Variants in NPAS3 observed in about 807,000 individuals in gnomAD.
NPAS3 encodes neuronal PAS domain protein 3, also known as neuronal PAS domain-containing protein 3.
Under a neutral mutation model 73.1 loss-of-function variants are expected in NPAS3, and 14 were observed. The observed-to-expected ratio is 0.19, with a 90% CI of 0.13 to 0.30. The LOEUF is 0.30. NPAS3 is among the 10% of genes least tolerant of loss of function. The pLI is 1.00. For synonymous variants in NPAS3, 620 were observed against 541.5 expected (o/e 1.14, Z -2.01); for missense variants, 1,096 against 1,250.0 (o/e 0.88, Z 1.86).
chr14:33,355,607 C>CT (rs1407547220), intron 3 of NPAS3, among the ~76,000 whole-genome samples: 2 of 152,160 alleles, frequency 1.3e-5, no homozygotes, highest in Non-Finnish European at 2.9e-5. Flanking sequence ...CAACCTGTTA[C>CT]TTTTTTACAG....
At chr14:33,646,055 G>A (rs540614667) in intron 5 of NPAS3, among the ~76,000 whole-genome samples, 2 of 152,294 alleles carry the variant, frequency 1.3e-5, no homozygotes, top group South Asian at 4.1e-4. Context: ...TGCAAGTGCT[G>A]TTAGAGCATC....
At chr14:33,194,491 T>C (rs979522917) in intron 2 of NPAS3, among the ~76,000 whole-genome samples, 1 of 152,236 alleles carries the variant, frequency 6.6e-6, no homozygotes, top group African/African-American at 2.4e-5. Flanking sequence ...ACAGTGTTTA[T>C]ACTATTAAAA....
intron 5 of NPAS3, among the ~76,000 whole-genome samples, chr14:33,601,948 A>G (rs1388284752): frequency 6.6e-6 from 1 of 152,216 alleles, no homozygotes; most frequent in Non-Finnish European, 1.5e-5. Flanking sequence ...CCAAGCTACT[A>G]GAGATCTGGT....
chr14:33,334,083 CAT>C (rs1419064818), intron 3 of NPAS3, among the ~76,000 whole-genome samples: 10 of 152,094 alleles, frequency 6.6e-5, no homozygotes, highest in African/African-American at 2.2e-4. Flanking sequence ...CAATGTTTGA[CAT>C]GTGAATATTT....
At position 33,680,572 on chromosome 14, in the gene NPAS3, C is replaced by A. The variant is rs768676691; in HGVS notation, c.733+4187C>A. On this transcript the variant is annotated intron_variant, in intron 6 of 11. Transcript: ENST00000356141. ...AACTAGCTTTTTCATTTTCATGTTT[C>A]TCTAAGATAAAATTCCCTTTCTGTC... is the stretch of plus-strand genomic sequence containing the variant. The A allele has an allele frequency of 3.4e-5, 24 of 702,012 alleles. 1 individual carries two copies. In the South Asian group the frequency reaches 3.6e-4, roughly 10 times the overall value. The allele number at this position is 702,012 out of a possible 1,614,324, so 43.5% of individuals were successfully genotyped here. A position where few individuals can be genotyped will look rare whatever the true frequency, so the allele number is the denominator to read the frequency against.
At chr14:33,358,451 G>A (rs896853760) in intron 3 of NPAS3, among the ~76,000 whole-genome samples, 1 of 152,116 alleles carries the variant, frequency 6.6e-6, no homozygotes, top group East Asian at 1.9e-4. Context: ...CTGTAGCTAC[G>A]TTAACATGCT....
intron 2 of NPAS3, among the ~76,000 whole-genome samples, chr14:33,083,761 C>A (rs8017701): frequency 0.43 from 64,691 of 151,994 alleles, 15,223 homozygotes; most frequent in African/African-American, 0.64. Context: ...TAACAGAATC[C>A]CCGTGGGATC....
intron 2 of NPAS3, among the ~76,000 whole-genome samples, chr14:33,206,049 G>A (rs2046810033): frequency 6.6e-6 from 1 of 151,970 alleles, no homozygotes; most frequent in South Asian, 2.1e-4. Flanking sequence ...CTGAAAATAG[G>A]GGTTTTATTG....
intron 3 of NPAS3, among the ~76,000 whole-genome samples, chr14:33,277,097 G>A (rs1402638903): frequency 1.3e-5 from 2 of 152,216 alleles, no homozygotes; most frequent in East Asian, 3.9e-4. Flanking sequence ...AATAGGGGAT[G>A]ATATTTTAGA....
At chr14:33,688,319 T>G (rs185768379) in intron 6 of NPAS3, among the ~76,000 whole-genome samples, 72 of 152,366 alleles carry the variant, frequency 4.7e-4, no homozygotes, top group African/African-American at 1.7e-3. Flanking sequence ...AGTAAAAATT[T>G]GAAATTCATG....
chr14:33,712,898 G>A (rs900276160), intron 6 of NPAS3, among the ~76,000 whole-genome samples: 1 of 152,108 alleles, frequency 6.6e-6, no homozygotes, highest in African/African-American at 2.4e-5. Flanking sequence ...GGAAATTAGA[G>A]GATTCATTCT....
intron 2 of NPAS3, among the ~76,000 whole-genome samples, chr14:33,142,188 A>G (rs993502579): frequency 2.1e-5 from 1 of 47,988 alleles, no homozygotes; most frequent in Non-Finnish European, 4.4e-5. Flanking sequence ...TAATTTGTAT[A>G]AGCTTTTTTT....
chr14:33,584,709 T>C (rs2056800259), intron 5 of NPAS3, among the ~76,000 whole-genome samples: 1 of 152,196 alleles, frequency 6.6e-6, no homozygotes, highest in African/African-American at 2.4e-5. Context: ...GTAACTCAGA[T>C]GAAAAAACTA....
intron 3 of NPAS3, among the ~76,000 whole-genome samples, chr14:33,355,053 T>C (rs1400919615): frequency 6.6e-6 from 1 of 152,168 alleles, no homozygotes; most frequent in Non-Finnish European, 1.5e-5. Flanking sequence ...GCAGTGCTGA[T>C]GGGGCCATTT....
At chr14:33,324,364 A>G (rs2043594295) in intron 3 of NPAS3, among the ~76,000 whole-genome samples, 1 of 152,206 alleles carries the variant, frequency 6.6e-6, no homozygotes, top group Admixed American at 6.5e-5. Context: ...ATTAAATGAG[A>G]AATAATTAAC....
intron 2 of NPAS3, among the ~76,000 whole-genome samples, chr14:33,064,384 C>T (rs1010725672): frequency 1.3e-5 from 2 of 152,164 alleles, no homozygotes; most frequent in Non-Finnish European, 2.9e-5. Flanking sequence ...TTCCACTTTA[C>T]CCTACTCATA....
At chr14:33,609,077 T>A (rs1442224231) in intron 5 of NPAS3, among the ~76,000 whole-genome samples, 1 of 152,216 alleles carries the variant, frequency 6.6e-6, no homozygotes, top group Non-Finnish European at 1.5e-5. Context: ...CAAGATTACA[T>A]CTGTTCAGTT....
At chr14:33,119,349 A>G (rs985223978) in intron 2 of NPAS3, among the ~76,000 whole-genome samples, 20 of 152,100 alleles carry the variant, frequency 1.3e-4, no homozygotes, top group Non-Finnish European at 1.2e-4. Context: ...ATGCTTGCCA[A>G]TCCACAACTT....
intron 5 of NPAS3, among the ~76,000 whole-genome samples, chr14:33,636,130 G>A (rs1424888996): frequency 6.6e-6 from 1 of 152,188 alleles, no homozygotes; most frequent in South Asian, 2.1e-4. Flanking sequence ...ACGTTAGTCA[G>A]GCTGGTCTCA....
Sources: allele counts gnomAD v4.1 joint callset (sites outside exome capture counted in the v4.1 genomes callset), GRCh38; gene constraint gnomAD v4.1.1; transcripts MANE v1.5; gene names NCBI Gene and HGNC (gene_info 2026-07-23, HGNC 2026-07-21).